NTM: variants seen among roughly 807,000 people sequenced by gnomAD.
NTM encodes IgLON family member 2.
A neutral mutation model predicts 42.1 loss-of-function variants in NTM; 13 were observed. The observed-to-expected ratio is 0.31, with a 90% CI of 0.20 to 0.49. NTM has a LOEUF of 0.49. NTM is among the 20% of genes least tolerant of loss of function. NTM has a pLI of 0.99. For synonymous variants in NTM, 187 were observed against 179.2 expected, an observed-to-expected ratio of 1.04 and a Z score of -0.35; for missense variants, 373 against 452.8, an observed-to-expected ratio of 0.82 and a Z score of 1.60.
At chr11:131,595,558 A>AAC (rs1465360978) in intron 1 of NTM, among the ~76,000 whole-genome samples, 1 of 152,210 alleles carries the variant, frequency 6.6e-6, no homozygotes, top group Non-Finnish European at 1.5e-5. Context: ...CTTATTCTAA[A>AAC]ACACACATAA....
Position 131,460,142 on chromosome 11 carries a change from C to T in NTM, c.82+89254C>T, listed in dbSNP as rs985716157. ...CAAACTTTATTTCCAGCATTATAAG[C>T]AGTCAGGGATTCATAGACAGCGTAA... On this transcript the variant is annotated intron_variant, in intron 1 of 8. Coordinates refer to ENST00000683400, the MANE Select transcript of NTM (RefSeq NM_001352005.2). Among the ~76,000 whole-genome samples the T allele has an allele frequency of 3.3e-5, 5 of 152,138 alleles. No homozygotes were observed. The East Asian group carries it at 9.6e-4, about 29-fold the overall frequency.
intron 1 of NTM, among the ~76,000 whole-genome samples, chr11:131,593,214 C>A (rs1282291509): frequency 6.6e-6 from 1 of 152,198 alleles, no homozygotes; most frequent in East Asian, 1.9e-4. Context: ...ACCTCTCCTT[C>A]CCCAGTGCCA....
chr11:131,894,334 G>T (rs2051888706), intron 1 of NTM, among the ~76,000 whole-genome samples: 1 of 152,214 alleles, frequency 6.6e-6, no homozygotes, highest in Non-Finnish European at 1.5e-5. Flanking sequence ...CCCACCAACA[G>T]ATTCACCCTG....
chr11:132,168,842 G>A (rs983649541), intron 3 of NTM, among the ~76,000 whole-genome samples: 1 of 152,146 alleles, frequency 6.6e-6, no homozygotes, highest in Non-Finnish European at 1.5e-5. Context: ...TGCCTTGCCA[G>A]TGCACTATAA....
At chr11:131,408,092 A>G (rs1946000661) in intron 1 of NTM, among the ~76,000 whole-genome samples, 1 of 152,208 alleles carries the variant, frequency 6.6e-6, no homozygotes, top group African/African-American at 2.4e-5. Flanking sequence ...GCCCCCCTTA[A>G]TGGGCATTTC....
At chr11:131,773,233 A>T (rs969348496) in intron 1 of NTM, among the ~76,000 whole-genome samples, 3 of 152,164 alleles carry the variant, frequency 2.0e-5, no homozygotes, top group Non-Finnish European at 2.9e-5. Context: ...GTGTCCTCAC[A>T]TGGTGTAAGG....
At chr11:131,819,275 C>A (rs1006637784) in intron 1 of NTM, among the ~76,000 whole-genome samples, 1 of 152,152 alleles carries the variant, frequency 6.6e-6, no homozygotes, top group Admixed American at 6.5e-5. Flanking sequence ...CCCGAGGGAG[C>A]ATGCCACACT....
intron 1 of NTM, among the ~76,000 whole-genome samples, chr11:131,609,089 C>G (rs550124098): frequency 4.8e-4 from 73 of 152,316 alleles, no homozygotes; most frequent in Non-Finnish European, 9.1e-4. Context: ...AGGATGTGGA[C>G]AGGAAACATC....
intron 2 of NTM, among the ~76,000 whole-genome samples, chr11:132,095,287 G>A (rs2060828554): frequency 6.6e-6 from 1 of 152,024 alleles, no homozygotes; most frequent in Admixed American, 6.5e-5. Context: ...TCCAGCCTAG[G>A]GCTCTTCTCA....
chr11:132,279,595 A>AT (rs1446673823), intron 4 of NTM, among the ~76,000 whole-genome samples: 2 of 152,140 alleles, frequency 1.3e-5, no homozygotes, highest in Non-Finnish European at 1.5e-5. Context: ...CATGCCTCTG[A>AT]TTTTTTGCAC....
At chr11:131,470,790 G>T (rs1219844595) in intron 1 of NTM, among the ~76,000 whole-genome samples, 2 of 152,170 alleles carry the variant, frequency 1.3e-5, no homozygotes, top group Non-Finnish European at 2.9e-5. Context: ...GAAGGGAGAG[G>T]TGAGAGACTC....
chr11:131,968,608 C>A (rs1161624493), intron 2 of NTM, among the ~76,000 whole-genome samples: 1 of 152,156 alleles, frequency 6.6e-6, no homozygotes, highest in African/African-American at 2.4e-5. Flanking sequence ...GTCTTCCTGA[C>A]TCCATGTGCT....
At chr11:132,254,499 A>C (rs1055880423) in intron 4 of NTM, among the ~76,000 whole-genome samples, 1 of 150,684 alleles carries the variant, frequency 6.6e-6, no homozygotes, top group African/African-American at 2.4e-5. Flanking sequence ...CAGTCCTCCT[A>C]AGTGTCTCTC....
intron 4 of NTM, among the ~76,000 whole-genome samples, chr11:132,231,871 C>A (rs1241575445): frequency 6.6e-6 from 1 of 151,596 alleles, no homozygotes; most frequent in Admixed American, 6.6e-5. Context: ...TATTAAACAT[C>A]AGCTCTGACG....
intron 1 of NTM, among the ~76,000 whole-genome samples, chr11:131,778,189 A>G (rs757273658): frequency 4.6e-5 from 7 of 152,240 alleles, no homozygotes; most frequent in African/African-American, 1.7e-4. Flanking sequence ...TGTTGAGAAG[A>G]AACATGCAAC....
intron 1 of NTM, among the ~76,000 whole-genome samples, chr11:131,618,459 C>T (rs1166879901): frequency 6.6e-6 from 1 of 152,158 alleles, no homozygotes; most frequent in African/African-American, 2.4e-5. Flanking sequence ...GCCAATATAC[C>T]TCTTCTCTGT....
At chr11:131,385,777 G>C (rs1172320744) in intron 1 of NTM, among the ~76,000 whole-genome samples, 1 of 152,152 alleles carries the variant, frequency 6.6e-6, no homozygotes, top group Non-Finnish European at 1.5e-5. Flanking sequence ...AGATTGCCTT[G>C]AACCCAAAAA....
chr11:132,336,266 G>A lies in NTM; in HGVS notation c.*1120G>A, dbSNP rs975739800. On this transcript the variant is annotated 3_prime_UTR_variant, in exon 9 of 9. Coordinates refer to ENST00000683400, the MANE Select transcript of NTM (RefSeq NM_001352005.2). ...GACATTACTGCATGCTGTATATGGC[G>A]TTAGCTGTGTGTTGATCTTCTAAAA... 5 of 152,284 alleles carry A rather than the reference G, an allele frequency of 3.3e-5. No homozygotes were observed. The highest frequency in any genetic ancestry group is 7.4e-5 in the Non-Finnish European group (5 of 68,016). The allele number at this position is 152,284 out of a possible 1,614,324, so 9.4% of individuals were successfully genotyped here. A position where few individuals can be genotyped will look rare whatever the true frequency, so the allele number is the denominator to read the frequency against.
At chr11:132,334,392 C>G (rs1291754878) in intron 8 of NTM, among the ~76,000 whole-genome samples, 1 of 152,224 alleles carries the variant, frequency 6.6e-6, no homozygotes, top group African/African-American at 2.4e-5. Context: ...TCACCTCCAT[C>G]CATGTGGGCT....
Sources: gnomAD v4.1 joint callset for allele counts (sites outside exome capture counted in the v4.1 genomes callset) on GRCh38, gnomAD v4.1.1 for gene constraint, MANE v1.5 for transcripts, NCBI Gene and HGNC (gene_info 2026-07-23, HGNC 2026-07-21) for gene names.